Variants in BCL9L observed in about 807,000 individuals in gnomAD.
The protein encoded by BCL9L is B-cell CLL/lymphoma 9-like protein.
BCL9L carries 19 observed loss-of-function variants against 99.4 expected under a neutral mutation model. The observed-to-expected ratio is 0.19, with a 90% CI of 0.13 to 0.28. The LOEUF (loss-of-function observed/expected upper bound fraction) is 0.28, where lower values mean the gene tolerates loss of function less well. BCL9L is among the 10% of genes least tolerant of loss of function. BCL9L has a pLI of 1.00. For synonymous variants in BCL9L, 900 were observed against 854.8 expected, an observed-to-expected ratio of 1.05 and a Z score of -0.92; for missense variants, 2,023 against 2,101.6, an observed-to-expected ratio of 0.96 and a Z score of 0.73.
chr11:118,901,025 TG>T lies in BCL9L; in HGVS notation c.2717del (p.Pro906GlnfsTer5). 6.4e-7 allele frequency: 1 copy of T among 1,567,608 alleles called. No homozygotes were observed. Among genetic ancestry groups the T allele is most frequent in the Non-Finnish European group, 8.7e-7 (1 of 1,155,602 alleles). On this transcript the variant is annotated frameshift_variant, in exon 8 of 10. Transcript: ENST00000683865. LOFTEE classifies it high-confidence loss of function. This position sits in a 1 kb window ranked among gnomAD's most constrained non-coding sequence, Gnocchi z 6.6. The stretch of plus-strand genomic sequence containing the variant: ...AAGGCCGCCTGCCTAGCCCCCGGTT[TG>T]GGGCTGAATGCACGGTCCCAGGAGG... The part of the protein sequence containing the change: ...SNPPGTVHSA[P>X]NRGLGRRPSD...
chr11:118,907,759 GCCA>G (rs1260999730), intron 4 of BCL9L, among the ~76,000 whole-genome samples, 157 bp from the exon 5 acceptor site: 7 of 152,164 alleles, frequency 4.6e-5, no homozygotes, highest in Admixed American at 2.6e-4. Context: ...CCCCCACCAC[GCCA>G]CCATTTGTTT....
At chr11:118,909,832 C>T in intron 3 of BCL9L, 82 bp downstream of exon 3, 1 of 1,607,206 alleles carries the variant, frequency 6.2e-7, no homozygotes, top group Non-Finnish European at 8.5e-7. Context: ...CTGGCCAGCA[C>T]AGCTTGGGCC....
In BCL9L at chr11:118,900,089, T is replaced by C; in HGVS notation, c.3234A>G (p.Thr1078=). The C allele has an allele frequency of 2.5e-6, 4 of 1,613,294 alleles. No homozygotes were observed. Among genetic ancestry groups the C allele is most frequent in the Non-Finnish European group, 3.4e-6 (4 of 1,179,760 alleles). Reference sequence around the variant, plus strand: ...TCAGTGACAGGGGGTTCTGGGAAGGTGTGGGGTCTGGGGAGGAAGTGAATG... The same window carrying C: ...TCAGTGACAGGGGGTTCTGGGAAGGCGTGGGGTCTGGGGAGGAAGTGAATG... ...SLPFTSSPDP[T]PSQNPLSLMM... The change falls in exon 9 of 10, where the codon ACA becomes ACG. Residue 1078 remains threonine, a synonymous_variant. Transcript: ENST00000683865. The surrounding 1 kb of genome is among the most constrained non-coding windows in gnomAD (Gnocchi z 5.3).
chr11:118,910,632 C>T (rs1940746284), intron 2 of BCL9L: 1 of 153,148 alleles, frequency 6.5e-6, no homozygotes, highest in African/African-American at 2.4e-5. Context: ...ACCCCGCCCC[C>T]TTCGGCAGAG....
In BCL9L at chr11:118,901,733, C is replaced by T. The variant is rs369509414; in HGVS notation, c.2010G>A (p.Met670Ile). The T allele has an allele frequency of 1.9e-6, 3 of 1,613,234 alleles. No homozygotes were observed. The highest frequency in any genetic ancestry group is 2.5e-6 in the Non-Finnish European group (3 of 1,179,652). Residue 670 changes from methionine (M) to isoleucine (I), a missense_variant, in exon 8 of 10, where the codon ATG (methionine) becomes ATA (isoleucine). Physicochemically the swap from Met to Ile is conservative, Grantham distance 10. Around this residue, in one of 3 missense-constraint regions of BCL9L, gnomAD observed 1,116 missense variants for 1,194.6 expected, o/e 0.93. Coordinates refer to ENST00000683865, the MANE Select transcript of BCL9L (RefSeq NM_001378213.1). The surrounding 1 kb of genome is among the most constrained non-coding windows in gnomAD (Gnocchi z 6.6). ...PGGQGEAERF[M>I]TPRVREELLR... Reference sequence around the variant, plus strand: ...GCAGCTCCTCACGGACCCGGGGAGTCATGAATCGCTCCGCCTCACCCTGCC... The same window carrying T: ...GCAGCTCCTCACGGACCCGGGGAGTTATGAATCGCTCCGCCTCACCCTGCC...
rs767700322 is a variant in BCL9L at position 118,902,143 on chromosome 11, TCCG to T, written c.1597_1599del (p.Arg533del). On this transcript the variant is annotated inframe_deletion, in exon 8 of 10. Transcript: ENST00000683865. This position sits in a 1 kb window ranked among gnomAD's most constrained non-coding sequence, Gnocchi z 7.8. ...CCATGCAGCCCAATCTGTTCCTCTT[TCCG>T]CCGTTTCTCTTCGTAGTACTCCTCC... is the stretch of plus-strand genomic sequence containing the variant. 6.2e-7 allele frequency: 1 copy of T among 1,614,102 alleles called. No homozygotes were observed. Among genetic ancestry groups the T allele is most frequent in the South Asian group, 1.1e-5 (1 of 91,080 alleles).
At chr11:118,911,001 C>T in intron 2 of BCL9L, 3 of 282,826 alleles carry the variant, frequency 1.1e-5, no homozygotes, top group South Asian at 8.7e-5. Context: ...CCGGGGCTGC[C>T]CGAGGGCTGA....
intron 4 of BCL9L, 114 bp from the exon 5 acceptor site, chr11:118,907,716 C>A: frequency 7.4e-6 from 11 of 1,485,936 alleles, no homozygotes; most frequent in Non-Finnish European, 9.9e-6. Context: ...AGGGCACTGC[C>A]CAGGCCATGG....
intron 2 of BCL9L, among the ~76,000 whole-genome samples, chr11:118,915,823 G>A (rs1232836957): frequency 6.6e-6 from 1 of 152,210 alleles, no homozygotes; most frequent in East Asian, 1.9e-4. Context: ...CTGACAAGCA[G>A]TTCTGGAAAG....
Position 118,898,304 on chromosome 11 carries a change from A to G in BCL9L, c.*111T>C. ...CCACTCCCTACACAAGCCCCCTCCC[A>G]CCCCCTCCACCCCACCCCGCGACCC... On this transcript the variant is annotated 3_prime_UTR_variant, in exon 10 of 10. Coordinates refer to ENST00000683865, the MANE Select transcript of BCL9L (RefSeq NM_001378213.1). 1 of 193,448 alleles carries G rather than the reference A, an allele frequency of 5.2e-6. No homozygotes were observed. The highest frequency in any genetic ancestry group is 9.2e-6 in the Non-Finnish European group (1 of 108,398). The allele number at this position is 193,448 out of a possible 1,614,324, so 12.0% of individuals were successfully genotyped here.
Position 118,898,075 on chromosome 11 carries a change from A to C in BCL9L, c.*340T>G, listed in dbSNP as rs530204618. ...CCTCTCTCCCCCCAGATTCCCATCC[A>C]GGACTCCAAAAGCATAGCTGAAGGG... On this transcript the variant is annotated 3_prime_UTR_variant, in exon 10 of 10. Transcript: ENST00000683865. 2.8e-4 allele frequency: 128 copies of C among 458,682 alleles called. No individual in the cohort carries two copies. The highest frequency in any genetic ancestry group is 2.5e-3 in the South Asian group (125 of 49,180). The allele number at this position is 458,682 out of a possible 1,614,324, so 28.4% of individuals were successfully genotyped here.
chr11:118,919,413 G>A (rs1198965433), intron 1 of BCL9L, among the ~76,000 whole-genome samples: 1 of 151,924 alleles, frequency 6.6e-6, no homozygotes, highest in African/African-American at 2.4e-5. Flanking sequence ...CCCTGAAGAG[G>A]CCAAGTCCTG....
chr11:118,898,864 T>G lies in BCL9L; in HGVS notation c.4051A>C (p.Lys1351Gln). 1 of 1,614,014 alleles carries G rather than the reference T, an allele frequency of 6.2e-7. No homozygotes were observed. The highest frequency in any genetic ancestry group is 8.5e-7 in the Non-Finnish European group (1 of 1,179,970). The stretch of plus-strand genomic sequence containing the variant: ...AGATGCAGATTAGGGGGCTGAGCCT[T>G]GGGGGGCTGGTTCTCGCTCTTGGGG... ...YFPKSENQPP[K>Q]AQPPNLHLMN... Residue 1351 changes from lysine (K) to glutamine (Q), a missense_variant, in exon 10 of 10, where the codon AAG becomes CAG. Around this residue, in one of 3 missense-constraint regions of BCL9L, gnomAD observed 902 missense variants for 888.2 expected, o/e 1.02. Transcript: ENST00000683865.
Position 118,898,493 on chromosome 11 carries a change from A to T in BCL9L, c.4422T>A (p.Leu1474=). The change falls in exon 10 of 10, where the codon CTT becomes CTA. Residue 1474 remains leucine, a synonymous_variant. Transcript: ENST00000683865. ...TGTCCAGGGACACACTGCGCTGCCG[A>T]AGGGGGTGGGACACCATGAGGTTCT... The part of the protein sequence containing the change: ...PQQNLMVSHP[L]RQRSVSLDSQ... 1.2e-6 allele frequency: 2 copies of T among 1,603,274 alleles called. No individual in the cohort carries two copies. Among genetic ancestry groups the T allele is most frequent in the Non-Finnish European group, 1.7e-6 (2 of 1,172,266 alleles).
chr11:118,901,535 A>G lies in BCL9L; in HGVS notation c.2208T>C (p.Thr736=). 6.2e-7 allele frequency: 1 copy of G among 1,614,010 alleles called. No homozygotes were observed. Among genetic ancestry groups the G allele is most frequent in the Non-Finnish European group, 8.5e-7 (1 of 1,179,990 alleles). ...QMAGGEGLAG[T]PMGMEFGGGR... ...CTCCACCAAACTCCATGCCCATGGGAGTGCCCGCCAGGCCCTCACCACCAG... is the reference window on the plus strand; with the variant it reads ...CTCCACCAAACTCCATGCCCATGGGGGTGCCCGCCAGGCCCTCACCACCAG... The change falls in exon 8 of 10, where the codon ACT becomes ACC. Residue 736 remains threonine (T), a synonymous_variant. Coordinates refer to ENST00000683865, the MANE Select transcript of BCL9L (RefSeq NM_001378213.1). The surrounding 1 kb of genome is among the most constrained non-coding windows in gnomAD (Gnocchi z 6.6).
In BCL9L at chr11:118,901,247, C is replaced by T. The variant is rs143939490; in HGVS notation, c.2496G>A (p.Pro832=). Residue 832 remains proline, a synonymous_variant, in exon 8 of 10, where the codon CCG becomes CCA. Transcript: ENST00000683865. This position sits in a 1 kb window ranked among gnomAD's most constrained non-coding sequence, Gnocchi z 6.6. ...ACTGTGAAGGCATCAGCATCTTCTG[C>T]GGGCCGCCCATCACGCCACTGCTGT... ...AQNSSGVMGG[P]QKMLMPSQFP... 3.1e-4 allele frequency: 501 copies of T among 1,614,042 alleles called. No individual in the cohort carries two copies. The African/African-American group carries it at 6.0e-3, about 19-fold the overall frequency.
rs779112760 is a variant in BCL9L at position 118,900,721 on chromosome 11, C to T, written c.3022G>A (p.Val1008Ile). 8 of 1,613,890 alleles carry T rather than the reference C, an allele frequency of 5.0e-6. No individual in the cohort carries two copies. The highest frequency in any genetic ancestry group is 6.8e-6 in the Non-Finnish European group (8 of 1,180,016). ...PSMAVPSPGW[V>I]ASPKTAMPSP... is the part of the protein sequence containing the mutation. ...GGCATGGCCGTCTTAGGTGAGGCAA[C>T]CCAGCCTGGAGAAGGCACCGCCATG... The change falls in exon 8 of 10, where the codon GTT becomes ATT. Residue 1008 changes from valine to isoleucine, a missense_variant. This residue lies in a region of BCL9L where 902 missense variants were observed against 888.2 expected (regional missense o/e 1.02). Coordinates refer to ENST00000683865, the MANE Select transcript of BCL9L (RefSeq NM_001378213.1). The surrounding 1 kb of genome is among the most constrained non-coding windows in gnomAD (Gnocchi z 5.3).
intron 2 of BCL9L, among the ~76,000 whole-genome samples, chr11:118,912,226 T>C (rs1354520779): frequency 6.6e-6 from 1 of 152,146 alleles, no homozygotes; most frequent in Admixed American, 6.5e-5. Flanking sequence ...CCCAGCCCAA[T>C]GCAATTTTAA....
chr11:118,913,450 T>A (rs1302956365), intron 2 of BCL9L, among the ~76,000 whole-genome samples: 1 of 152,178 alleles, frequency 6.6e-6, no homozygotes, highest in Non-Finnish European at 1.5e-5. Flanking sequence ...TCACTTCTCT[T>A]GGCTCCTACA....
Sources: gnomAD v4.1 joint callset for allele counts (sites outside exome capture counted in the v4.1 genomes callset) on GRCh38, gnomAD v4.1.1 for gene constraint, gnomAD v4.1.1 regional missense constraint, Gnocchi (gnomAD v3.1) non-coding constraint, MANE v1.5 for transcripts, NCBI Gene and HGNC (gene_info 2026-07-23, HGNC 2026-07-21) for gene names.